Variants in GPC5 observed in about 807,000 individuals in gnomAD.
GPC5 encodes the protein glypican 5, also known as glypican-5.
Under a neutral mutation model 53.9 loss-of-function variants are expected in GPC5, and 47 were observed. The ratio of observed to expected loss-of-function variants is 0.87; its 90% CI spans 0.69 to 1.11. The LOEUF is 1.11. GPC5 is among the 50% of genes most tolerant of loss of function. GPC5 has a pLI of 0.00. For missense variants in GPC5, 748 were observed against 713.1 expected, an observed-to-expected ratio of 1.05 and a Z score of -0.56; for synonymous variants, 286 against 263.3, an observed-to-expected ratio of 1.09 and a Z score of -0.84.
intron 6 of GPC5, among the ~76,000 whole-genome samples, chr13:92,111,255 T>C (rs988571580): frequency 3.9e-5 from 6 of 152,178 alleles, no homozygotes; most frequent in African/African-American, 1.2e-4. Flanking sequence ...TACATTCCTT[T>C]TATGATCCAG....
chr13:92,184,661 G>A (rs1324373276), intron 7 of GPC5, among the ~76,000 whole-genome samples: 1 of 152,138 alleles, frequency 6.6e-6, no homozygotes, highest in East Asian at 1.9e-4. Context: ...ATTTAGCTAT[G>A]CCTTTAAAAT....
At chr13:92,349,762 G>A (rs866599981) in intron 7 of GPC5, among the ~76,000 whole-genome samples, 4 of 151,938 alleles carry the variant, frequency 2.6e-5, no homozygotes, top group South Asian at 4.1e-4. Context: ...TTTTCCCATC[G>A]AAGAAAAACC....
intron 7 of GPC5, among the ~76,000 whole-genome samples, chr13:92,525,493 A>G (rs1881243674): frequency 7.1e-6 from 1 of 141,200 alleles, no homozygotes; most frequent in South Asian, 2.3e-4. Flanking sequence ...ACAACCAGAA[A>G]AGCTTAGAAG....
At chr13:92,379,889 G>A (rs1377329610) in intron 7 of GPC5, among the ~76,000 whole-genome samples, 1 of 152,002 alleles carries the variant, frequency 6.6e-6, no homozygotes, top group Non-Finnish European at 1.5e-5. Context: ...TACCTATTTT[G>A]GCAGCCCGTC....
At chr13:91,777,615 C>T (rs946194972) in intron 5 of GPC5, among the ~76,000 whole-genome samples, 1 of 152,100 alleles carries the variant, frequency 6.6e-6, no homozygotes, top group African/African-American at 2.4e-5. Context: ...TCTTAAATTT[C>T]CGGGCTCTAT....
intron 6 of GPC5, among the ~76,000 whole-genome samples, chr13:91,945,661 C>G (rs73612904): frequency 0.024 from 3,608 of 152,210 alleles, 121 homozygotes; most frequent in African/African-American, 0.078. Context: ...GTGCCCTAGC[C>G]TGGTAGCTCA....
chr13:92,387,115 T>C (rs1472025594), intron 7 of GPC5, among the ~76,000 whole-genome samples: 1 of 152,112 alleles, frequency 6.6e-6, no homozygotes, highest in African/African-American at 2.4e-5. Flanking sequence ...ATGGTTTGAC[T>C]TAGTTTTTTG....
rs1282758647 is a variant in GPC5 at position 92,755,946 on chromosome 13, T to C, written c.1562-110336T>C. 5.3e-5 allele frequency among the ~76,000 whole-genome samples: 8 copies of C among 150,940 alleles called. No individual in the cohort carries two copies. The South Asian group carries it at 1.0e-3, about 20-fold the overall frequency. On this transcript the variant is annotated intron_variant, in intron 7 of 7. Transcript: ENST00000377067. ...TTCCTTCTGAAACTATTCCAATCAA[T>C]AGGAAAAGAGGGAATCCTCCCTAAC...
chr13:92,684,323 C>T (rs1436212489), intron 7 of GPC5, among the ~76,000 whole-genome samples: 15 of 151,526 alleles, frequency 9.9e-5, no homozygotes, highest in African/African-American at 2.2e-4. Flanking sequence ...CAGGGTGGAG[C>T]GCAGTGGCAC....
intron 7 of GPC5, among the ~76,000 whole-genome samples, chr13:92,698,568 T>C (rs1292991084): frequency 6.6e-6 from 1 of 152,126 alleles, no homozygotes; most frequent in Admixed American, 6.6e-5. Flanking sequence ...GTCTATCATT[T>C]TGAACATTCG....
At chr13:92,337,645 T>C (rs1219909383) in intron 7 of GPC5, among the ~76,000 whole-genome samples, 1 of 152,066 alleles carries the variant, frequency 6.6e-6, no homozygotes, top group Non-Finnish European at 1.5e-5. Flanking sequence ...AGCCTAGAAA[T>C]TGACCCACAT....
Position 91,399,129 on chromosome 13 carries a change from A to G in GPC5, c.83A>G (p.Gln28Arg). The G allele has an allele frequency of 6.2e-7, 1 of 1,612,756 alleles. No individual in the cohort carries two copies. Among genetic ancestry groups the G allele is most frequent in the Middle Eastern group, 1.7e-4 (1 of 6,056 alleles). The change falls in exon 1 of 8, where the codon CAG becomes CGG. Residue 28 changes from glutamine (Q) to arginine (R), a missense_variant. Gln to Arg is a conservative substitution (Grantham distance 43). Coordinates refer to ENST00000377067, the MANE Select transcript of GPC5 (RefSeq NM_004466.6). ...LVGSARSEGV[Q>R]TCEEVRKLFQ... ...GGGTCCGCCCGCAGCGAGGGCGTGC[A>G]GACCTGCGAAGAAGTTCGGAAACTT...
intron 6 of GPC5, among the ~76,000 whole-genome samples, chr13:92,032,249 A>G (rs759401651): frequency 4.4e-4 from 67 of 150,808 alleles, no homozygotes; most frequent in Middle Eastern, 6.8e-3. Flanking sequence ...GCAAAGGCAT[A>G]AGAATACAAT....
chr13:91,578,994 C>T lies in GPC5; in HGVS notation c.326-114193C>T, dbSNP rs138782939. On this transcript the variant is annotated intron_variant, in intron 2 of 7. Coordinates refer to ENST00000377067, the MANE Select transcript of GPC5 (RefSeq NM_004466.6). The stretch of plus-strand genomic sequence containing the variant: ...CCAGGAGGCAAAAGTTGCAGTGAGC[C>T]GAGATCACACCAGTGCACTCCAGCC... 7.9e-3 allele frequency among the ~76,000 whole-genome samples: 1,208 copies of T among 151,972 alleles called. 18 individuals are homozygous for T. The highest frequency in any genetic ancestry group is 0.026 in the African/African-American group (1,084 of 41,444).
chr13:91,463,397 T>G (rs1433111538), intron 2 of GPC5, among the ~76,000 whole-genome samples: 11 of 152,104 alleles, frequency 7.2e-5, no homozygotes, highest in Admixed American at 7.2e-4. Context: ...TGGAAAATTT[T>G]TAAGGAGACT....
chr13:92,504,225 C>T (rs1011717297), intron 7 of GPC5, among the ~76,000 whole-genome samples: 5 of 151,770 alleles, frequency 3.3e-5, no homozygotes, highest in African/African-American at 7.3e-5. Context: ...TCTATAGAAG[C>T]GAAGAACTTT....
At chr13:91,729,144 G>A (rs2036639707) in intron 4 of GPC5, among the ~76,000 whole-genome samples, 1 of 152,152 alleles carries the variant, frequency 6.6e-6, no homozygotes, top group Non-Finnish European at 1.5e-5. Flanking sequence ...TTAAAAAGTT[G>A]AATAAGAAGA....
intron 7 of GPC5, among the ~76,000 whole-genome samples, chr13:92,690,575 T>G (rs1161402728): frequency 7.0e-6 from 1 of 143,816 alleles, no homozygotes; most frequent in East Asian, 2.4e-4. Flanking sequence ...CTCGTCAAAA[T>G]AATTCTCCAT....
intron 6 of GPC5, among the ~76,000 whole-genome samples, chr13:92,036,707 T>C (rs548253560): frequency 1.3e-5 from 2 of 152,330 alleles, no homozygotes; most frequent in African/African-American, 4.8e-5. Flanking sequence ...CAAACACAAC[T>C]CTTTATTTTT....
Sources: allele counts gnomAD v4.1 joint callset (sites outside exome capture counted in the v4.1 genomes callset), GRCh38; gene constraint gnomAD v4.1.1; transcripts MANE v1.5; gene names NCBI Gene and HGNC (gene_info 2026-07-23, HGNC 2026-07-21).